The following CAST variants were observed in gnomAD, a reference collection of about 807,000 sequenced individuals.
The protein encoded by CAST is MIR583 host.
CAST carries 76 observed loss-of-function variants against 119.6 expected under a neutral mutation model. That is an observed-to-expected ratio of 0.64 (90% confidence interval 0.53 to 0.77). CAST has a LOEUF of 0.77. CAST is among the 30% of genes least tolerant of loss of function. The probability of loss-of-function intolerance (pLI) is 0.00; values close to 1 mark genes in which losing one functional copy is unlikely to be tolerated. For synonymous variants in CAST, 319 were observed against 331.6 expected (o/e 0.96, Z 0.41); for missense variants, 953 against 946.5 (o/e 1.01, Z -0.09).
the CAST span, among the ~76,000 whole-genome samples, chr5:96,487,249 C>T: frequency 2.7e-4 from 41 of 152,146 alleles, no homozygotes; most frequent in South Asian, 2.1e-4. Flanking sequence ...AGAGCCACGG[C>T]CTATTCTGCA....
chr5:96,139,150 T>A, the CAST span, among the ~76,000 whole-genome samples: 1 of 152,058 alleles, frequency 6.6e-6, no homozygotes, highest in East Asian at 1.9e-4. Context: ...ATTCCCATTC[T>A]ATAATTTCTC....
At chr5:96,358,273 A>G in the CAST span, among the ~76,000 whole-genome samples, 8 of 152,224 alleles carry the variant, frequency 5.3e-5, no homozygotes, top group African/African-American at 1.9e-4. Context: ...AATCTTTTCA[A>G]AAAACCAGTT....
the CAST span, among the ~76,000 whole-genome samples, chr5:95,998,839 A>T: frequency 6.6e-6 from 1 of 152,192 alleles, no homozygotes; most frequent in Admixed American, 6.6e-5. Context: ...TGCTTTCCAT[A>T]GAGGTTATAC....
intron 2 of CAST, among the ~76,000 whole-genome samples, chr5:96,691,439 G>A: frequency 6.6e-6 from 1 of 152,088 alleles, no homozygotes; most frequent in Non-Finnish European, 1.5e-5. Context: ...CCCATAAAAG[G>A]TTATTATTTT....
At chr5:96,418,797 A>G in the CAST span, among the ~76,000 whole-genome samples, 3 of 152,166 alleles carry the variant, frequency 2.0e-5, no homozygotes, top group Non-Finnish European at 2.9e-5. Context: ...TTGATAGTCA[A>G]GAGGATCCTG....
the CAST span, among the ~76,000 whole-genome samples, chr5:96,137,953 G>C: frequency 6.6e-6 from 1 of 150,988 alleles, no homozygotes; most frequent in East Asian, 1.9e-4. Context: ...TTTCATTTTC[G>C]TAACAGTGTC....
chr5:96,413,013 A>G, the CAST span: 2 of 963,338 alleles, frequency 2.1e-6, no homozygotes, highest in Non-Finnish European at 2.5e-6. Flanking sequence ...ACGCCACACA[A>G]GGACTCTGGA....
the CAST span, among the ~76,000 whole-genome samples, chr5:96,015,385 A>G: frequency 1.3e-5 from 2 of 152,148 alleles, no homozygotes; most frequent in African/African-American, 4.8e-5. Context: ...TATGAACTGG[A>G]CTCACTTTAA....
chr5:96,291,914 C>G, the CAST span, among the ~76,000 whole-genome samples: 1 of 148,630 alleles, frequency 6.7e-6, no homozygotes, highest in African/African-American at 2.5e-5. Flanking sequence ...ATGACAGATA[C>G]AGAATCTTTC....
the CAST span, among the ~76,000 whole-genome samples, chr5:96,322,174 C>T: frequency 3.3e-5 from 5 of 152,186 alleles, no homozygotes; most frequent in South Asian, 1.0e-3. Context: ...TTGGAATTTA[C>T]ATCACTGCTT....
At chr5:96,533,549 G>C (rs553778347) in intron 1 of CAST, among the ~76,000 whole-genome samples, 16 of 152,206 alleles carry the variant, frequency 1.1e-4, no homozygotes, top group Middle Eastern at 3.4e-3. Context: ...TGGAGCATAA[G>C]CAATGGTGGC....
intron 9 of CAST, among the ~76,000 whole-genome samples, chr5:96,733,542 A>G (rs975887190): frequency 2.6e-5 from 4 of 152,238 alleles, no homozygotes; most frequent in Admixed American, 1.3e-4. Context: ...TGGAACTTGC[A>G]GCAAGTCATT....
the CAST span, among the ~76,000 whole-genome samples, chr5:96,484,697 T>C: frequency 7.9e-5 from 12 of 152,134 alleles, no homozygotes; most frequent in Non-Finnish European, 1.8e-4. Context: ...TCTTGAGCTC[T>C]TGAAACACTC....
the CAST span, among the ~76,000 whole-genome samples, chr5:96,482,135 G>T: frequency 6.6e-6 from 1 of 152,024 alleles, no homozygotes; most frequent in Non-Finnish European, 1.5e-5. Flanking sequence ...TGAAAGATCT[G>T]ACCTTTGCTG....
chr5:95,996,149 G>C, the CAST span, among the ~76,000 whole-genome samples: 1 of 152,146 alleles, frequency 6.6e-6, no homozygotes, highest in South Asian at 2.1e-4. Flanking sequence ...GACGCACTGA[G>C]GAAGACTTTG....
the CAST span, among the ~76,000 whole-genome samples, chr5:96,049,920 A>AAAAG: frequency 1.3e-5 from 2 of 149,250 alleles, no homozygotes; most frequent in Non-Finnish European, 3.0e-5. Flanking sequence ...AAAAAAAAGA[A>AAAAG]AAAGAAAAAA....
chr5:95,971,181 G>A, the CAST span, among the ~76,000 whole-genome samples: 1 of 152,106 alleles, frequency 6.6e-6, no homozygotes, highest in Non-Finnish European at 1.5e-5. Context: ...TTCTGACTTG[G>A]TATATTGACT....
rs1006061470 is a variant in CAST at position 96,622,932 on chromosome 5, C to T, written c.61-52607C>T. ...AGGCTGGAGTGCAGTGGCGGGATCTCGGCTCACTGCAAGCTCCACTTTCCA... is the reference window on the plus strand; with the variant it reads ...AGGCTGGAGTGCAGTGGCGGGATCTTGGCTCACTGCAAGCTCCACTTTCCA... On this transcript the variant is annotated intron_variant, in intron 1 of 11. Transcript: ENST00000505143. Among the ~76,000 whole-genome samples, 15 of 100,628 alleles carry T rather than the reference C, an allele frequency of 1.5e-4. 1 individual carries two copies. Among genetic ancestry groups the T allele is most frequent in the Non-Finnish European group, 2.3e-4 (12 of 52,678 alleles). The allele number at this position is 100,628 out of a possible 152,430, so 66.0% of individuals were successfully genotyped here. A position where few individuals can be genotyped will look rare whatever the true frequency, so the allele number is the denominator to read the frequency against.
At chr5:96,393,302 C>T in the CAST span, 78 of 1,613,964 alleles carry the variant, frequency 4.8e-5, no homozygotes, top group Non-Finnish European at 5.9e-5. Context: ...CTCATCCCTC[C>T]GGCCCCCTAC....
Sources: allele counts gnomAD v4.1 joint callset (sites outside exome capture counted in the v4.1 genomes callset), GRCh38; gene constraint gnomAD v4.1.1; transcripts MANE v1.5; gene names NCBI Gene and HGNC (gene_info 2026-07-23, HGNC 2026-07-21).